Variants in DSCAM observed in about 807,000 individuals in gnomAD.
DSCAM encodes DS cell adhesion molecule.
DSCAM carries 47 observed loss-of-function variants against 217.7 expected under a neutral mutation model. The observed-to-expected ratio is 0.22, with a 90% CI of 0.17 to 0.28. The LOEUF (loss-of-function observed/expected upper bound fraction) is 0.28, where lower values mean the gene tolerates loss of function less well. Ranked by LOEUF, DSCAM falls within the 10% of genes least tolerant of loss-of-function variation. The pLI, the probability that DSCAM is intolerant of heterozygous loss-of-function variation, is 1.00. For synonymous variants in DSCAM, 1,056 were observed against 1,015.3 expected (o/e 1.04, Z -0.76); for missense variants, 2,080 against 2,618.3 (o/e 0.79, Z 4.49).
chr21:40,465,199 T>C (rs2075834828), intron 3 of DSCAM, among the ~76,000 whole-genome samples: 2 of 152,174 alleles, frequency 1.3e-5, no homozygotes, highest in African/African-American at 4.8e-5. Context: ...TCCTTTCTCA[T>C]CAATCTATCC....
chr21:40,663,587 A>G (rs2090166710), intron 3 of DSCAM, among the ~76,000 whole-genome samples: 1 of 152,134 alleles, frequency 6.6e-6, no homozygotes. Flanking sequence ...GTGCCCCTAG[A>G]CATGGTGACT....
intron 1 of DSCAM, among the ~76,000 whole-genome samples, chr21:40,813,436 A>G (rs1412271690): frequency 1.3e-5 from 2 of 152,064 alleles, no homozygotes; most frequent in Non-Finnish European, 2.9e-5. Flanking sequence ...GGATGTCAGC[A>G]TTTAATATTT....
rs755830376 is a variant in DSCAM, at chr21:40,093,886, G to A, written c.3697-12C>T. On this transcript the variant is annotated splice_polypyrimidine_tract_variant and intron_variant, in intron 20 of 32. Coordinates refer to ENST00000400454, the MANE Select transcript of DSCAM (RefSeq NM_001389.5). ...AACTCGCTGATCACCTGTAAAAAGA[G>A]ACATAAGTGTTCCCACATTCAAAGA... The A allele has an allele frequency of 6.2e-7, 1 of 1,608,642 alleles. No individual in the cohort carries two copies. The highest frequency in any genetic ancestry group is 1.3e-5 in the African/African-American group (1 of 74,848).
intron 14 of DSCAM, among the ~76,000 whole-genome samples, chr21:40,186,102 A>G (rs2090891723): frequency 6.6e-6 from 1 of 152,022 alleles, no homozygotes. Flanking sequence ...TATCTTCTCA[A>G]TCTTCAAATT....
intron 29 of DSCAM, 127 bp from the exon 30 acceptor site, chr21:40,052,234 G>T: frequency 9.7e-7 from 1 of 1,030,602 alleles, no homozygotes; most frequent in Non-Finnish European, 1.4e-6. Flanking sequence ...CCCATCTAAA[G>T]TGACAAAAAT....
chr21:40,122,913 C>T lies in DSCAM; in HGVS notation c.3696+1282G>A, dbSNP rs16999325. Among the ~76,000 whole-genome samples the T allele has an allele frequency of 9.6e-3, 1,468 of 152,280 alleles. 27 individuals carry two copies. Among genetic ancestry groups the T allele is most frequent in the African/African-American group, 0.033 (1,383 of 41,564 alleles). On this transcript the variant is annotated intron_variant, in intron 20 of 32. Transcript: ENST00000400454. The stretch of plus-strand genomic sequence containing the variant: ...ACTCTGAGCTTGGGCAAACATATCA[C>T]CTTGATTAAAAGATTAATCCATAAA...
intron 3 of DSCAM, among the ~76,000 whole-genome samples, chr21:40,628,985 A>C (rs1402826396): frequency 6.6e-6 from 1 of 152,056 alleles, no homozygotes; most frequent in Non-Finnish European, 1.5e-5. Flanking sequence ...GGCCTCAAGC[A>C]ATCTGCCGGC....
In DSCAM at chr21:40,799,915, T is replaced by C. The variant is rs1601280220; in HGVS notation, c.43+46704A>G. On this transcript the variant is annotated intron_variant, in intron 1 of 32. Transcript: ENST00000400454. ...CAGTACACTGCTTTGGTTTGAATGT[T>C]TGTCCCCTCTGAAACTCATGTTGAA... Among the ~76,000 whole-genome samples, 6 of 152,358 alleles carry C rather than the reference T, an allele frequency of 3.9e-5. 1 individual carries two copies.
intron 29 of DSCAM, among the ~76,000 whole-genome samples, chr21:40,052,466 G>A (rs1459717172): frequency 2.0e-5 from 3 of 152,190 alleles, no homozygotes; most frequent in African/African-American, 7.2e-5. Flanking sequence ...CATCTGCGAT[G>A]CCAGCCCCCT....
intron 4 of DSCAM, among the ~76,000 whole-genome samples, chr21:40,367,562 C>G (rs2074846787): frequency 6.6e-6 from 1 of 152,184 alleles, no homozygotes; most frequent in Admixed American, 6.5e-5. Context: ...TGTCTACAGT[C>G]TCATCTTTTA....
At chr21:40,725,441 C>A (rs140457379) in intron 1 of DSCAM, among the ~76,000 whole-genome samples, 5 of 152,330 alleles carry the variant, frequency 3.3e-5, no homozygotes, top group African/African-American at 1.2e-4. Context: ...ATGAATGAAA[C>A]TCACCTGACT....
intron 1 of DSCAM, among the ~76,000 whole-genome samples, chr21:40,811,727 C>A (rs577932454): frequency 1.3e-5 from 2 of 152,204 alleles, no homozygotes; most frequent in Non-Finnish European, 2.9e-5. Flanking sequence ...ACTTTCCAGG[C>A]CTAGCCTTTC....
rs142858008 is a variant in DSCAM at position 40,223,719 on chromosome 21, G to T, written c.2357-34481C>A. On this transcript the variant is annotated intron_variant, in intron 11 of 32. Transcript: ENST00000400454. Reference sequence around the variant, plus strand: ...ATATTTCAATGTGAAATTGTTAAAAGTTACAACATTAATAAAAAGTTGCTC... The same window carrying T: ...ATATTTCAATGTGAAATTGTTAAAATTTACAACATTAATAAAAAGTTGCTC... Among the ~76,000 whole-genome samples the T allele has an allele frequency of 3.0e-4, 46 of 152,280 alleles. No homozygotes were observed. The East Asian group carries it at 5.6e-3, about 18-fold the overall frequency.
intron 3 of DSCAM, among the ~76,000 whole-genome samples, chr21:40,437,029 C>T (rs2075589427): frequency 1.3e-5 from 2 of 152,128 alleles, no homozygotes; most frequent in Non-Finnish European, 2.9e-5. Flanking sequence ...GCAGATATGC[C>T]ACATACCTAT....
chr21:40,751,180 C>T (rs2091224153), intron 1 of DSCAM, among the ~76,000 whole-genome samples: 1 of 152,170 alleles, frequency 6.6e-6, no homozygotes, highest in Admixed American at 6.5e-5. Context: ...AGGACTCTAT[C>T]ACTTCGTTTA....
Position 40,187,942 on chromosome 21 carries a change from C to T in DSCAM, c.2599G>A (p.Ala867Thr). 6.2e-7 allele frequency: 1 copy of T among 1,614,026 alleles called. No individual in the cohort carries two copies. Among genetic ancestry groups the T allele is most frequent in the South Asian group, 1.1e-5 (1 of 91,038 alleles). The change falls in exon 13 of 33, where the codon GCT becomes ACT. Residue 867 changes from alanine to threonine, a missense_variant. Ala to Thr is a moderately conservative substitution (Grantham distance 58). This residue lies in a region of DSCAM where 1,144 missense variants were observed against 1,421.1 expected (regional missense o/e 0.81). Transcript: ENST00000400454. ...CGGTCCTCCCCATAAGAATTAATAG[C>T]ATGGCAGGAAAAGAAACCAGAATCT... The part of the protein sequence containing the change: ...REDSGFFSCH[A>T]INSYGEDRGI...
chr21:40,124,268 G>A lies in DSCAM; in HGVS notation c.3623C>T (p.Ser1208Phe). ...GTTCAGCTTGAGAGGGGGAAGCCAG[G>A]ACACAAAGACCATGGAGGCTGAGGC... ...AAASASMVFV[S>F]WLPPLKLNGI... Residue 1208 changes from serine to phenylalanine, a missense_variant, in exon 20 of 33, where the codon TCC becomes TTC. Ser to Phe is a radical substitution (Grantham distance 155). Coordinates refer to ENST00000400454, the MANE Select transcript of DSCAM (RefSeq NM_001389.5). The A allele has an allele frequency of 1.2e-6, 2 of 1,613,968 alleles. No homozygotes were observed. The highest frequency in any genetic ancestry group is 2.2e-5 in the East Asian group (1 of 44,790).
intron 1 of DSCAM, among the ~76,000 whole-genome samples, chr21:40,767,169 A>C (rs2091400873): frequency 2.0e-5 from 3 of 152,184 alleles, no homozygotes; most frequent in Admixed American, 2.0e-4. Context: ...GTTTGGAAAA[A>C]TAAGGGGTAA....
chr21:40,758,498 C>G (rs1264183815), intron 1 of DSCAM, among the ~76,000 whole-genome samples: 5 of 110,510 alleles, frequency 4.5e-5, no homozygotes, highest in African/African-American at 1.8e-4. Context: ...GCCTGGGCGA[C>G]AGAGCAAGAC....
Sources: allele counts gnomAD v4.1 joint callset (sites outside exome capture counted in the v4.1 genomes callset), GRCh38; gene constraint gnomAD v4.1.1; regional missense constraint gnomAD v4.1.1; transcripts MANE v1.5; gene names NCBI Gene and HGNC (gene_info 2026-07-23, HGNC 2026-07-21).